The following CNKSR2 variants were observed in gnomAD, a reference collection of about 807,000 sequenced individuals.
CNKSR2 encodes the protein connector enhancer of kinase suppressor of Ras 2.
A neutral mutation model predicts 84.4 loss-of-function variants in CNKSR2; 14 were observed. The observed-to-expected ratio is 0.17, with a 90% confidence interval of 0.11 to 0.26. The LOEUF is 0.26. CNKSR2 is among the 10% of genes least tolerant of loss of function. The probability of loss-of-function intolerance (pLI) is 1.00; values close to 1 mark genes in which losing one functional copy is unlikely to be tolerated. For synonymous variants in CNKSR2, 275 were observed against 277.9 expected, an observed-to-expected ratio of 0.99 and a Z score of 0.10; for missense variants, 485 against 771.2, an observed-to-expected ratio of 0.63 and a Z score of 4.40.
intron 20 of CNKSR2, among the ~76,000 whole-genome samples, chrX:21,612,454 G>A (rs765334730): frequency 1.4e-4 from 16 of 112,279 alleles, no homozygotes; most frequent in Admixed American, 1.4e-3. Flanking sequence ...TTGACCTCCT[G>A]AAGTGAATTG....
chrX:21,451,438 G>A (rs1195890961), intron 4 of CNKSR2, among the ~76,000 whole-genome samples: 2 of 110,170 alleles, frequency 1.8e-5, no homozygotes, highest in East Asian at 5.8e-4. Context: ...GCAAAGACTT[G>A]GAGCCAACCC....
intron 20 of CNKSR2, chrX:21,641,710 G>A (rs2092692139): frequency 2.8e-6 from 3 of 1,074,213 alleles, no homozygotes; most frequent in East Asian, 3.4e-5. Context: ...AAATGGCCTC[G>A]TCCTTGCTGT....
intron 1 of CNKSR2, chrX:21,421,997 T>C (rs1172277504): frequency 1.8e-5 from 2 of 111,707 alleles, no homozygotes; most frequent in Non-Finnish European, 3.8e-5. Flanking sequence ...ATCCTCAAGT[T>C]TGATGTAGGC....
chrX:21,471,434 C>G (rs1458413870), intron 5 of CNKSR2, among the ~76,000 whole-genome samples: 1 of 111,976 alleles, frequency 8.9e-6, no homozygotes, highest in Non-Finnish European at 1.9e-5. Context: ...TTCTTCACCT[C>G]TGGTGTGTGT....
At chrX:21,591,665 A>C (rs1050628057) in intron 15 of CNKSR2, 2 of 109,992 alleles carry the variant, frequency 1.8e-5, no homozygotes, top group African/African-American at 3.3e-5. Context: ...GATCTAGTAG[A>C]CTAGTTTTGA....
Position 21,374,609 on chromosome X carries a change from A to AGCAGCAGCAGCAGCAGCAGCC in CNKSR2, c.-269_-268insCGCAGCAGCAGCAGCAGCAGC. 1 of 497,632 alleles carries AGCAGCAGCAGCAGCAGCAGCC rather than the reference A, an allele frequency of 2.0e-6. No individual in the cohort carries two copies. Among genetic ancestry groups the AGCAGCAGCAGCAGCAGCAGCC allele is most frequent in the East Asian group, 3.9e-5 (1 of 25,322 alleles). 41.0% of individuals were successfully genotyped at this position (497,632 alleles called of 1,213,427 possible). A position where few individuals can be genotyped will look rare whatever the true frequency, so the allele number is the denominator to read the frequency against. On this transcript the variant is annotated 5_prime_UTR_variant, in exon 1 of 22. Coordinates refer to ENST00000379510, the MANE Select transcript of CNKSR2 (RefSeq NM_014927.5). ...GAGCGGCGGAGGCAGCAGCAGCAGC[A>AGCAGCAGCAGCAGCAGCAGCC]GCAGCAGCAGCAGCAGCAGCAGCCG...
chrX:21,599,171 G>T (rs1162032695), intron 17 of CNKSR2, among the ~76,000 whole-genome samples: 1 of 112,145 alleles, frequency 8.9e-6, no homozygotes, highest in Admixed American at 9.4e-5. Context: ...ATTTATTTCC[G>T]TATCCCTAAA....
chrX:21,504,720 A>G (rs2091595108), intron 8 of CNKSR2: 1 of 292,496 alleles, frequency 3.4e-6, no homozygotes, highest in Non-Finnish European at 6.0e-6. Flanking sequence ...TTTTAAAAGT[A>G]TTTTCTTAAT....
At chrX:21,623,061 T>C (rs2092608632) in intron 20 of CNKSR2, among the ~76,000 whole-genome samples, 1 of 111,106 alleles carries the variant, frequency 9.0e-6, no homozygotes, top group Non-Finnish European at 1.9e-5. Context: ...TTTACAGATC[T>C]AGTAAGAGTA....
chrX:21,407,792 T>C (rs547659696), intron 1 of CNKSR2, among the ~76,000 whole-genome samples: 9 of 112,133 alleles, frequency 8.0e-5, no homozygotes, highest in African/African-American at 2.9e-4. Flanking sequence ...TCCTTTATCA[T>C]TATTGAATGA....
At chrX:21,539,903 A>G (rs1417986584) in intron 11 of CNKSR2, among the ~76,000 whole-genome samples, 1 of 112,318 alleles carries the variant, frequency 8.9e-6, no homozygotes, top group Non-Finnish European at 1.9e-5. Flanking sequence ...AGTAAATAAC[A>G]GTTTAATGTA....
chrX:21,635,412 A>G (rs1210105109), intron 20 of CNKSR2, among the ~76,000 whole-genome samples: 1 of 104,595 alleles, frequency 9.6e-6, no homozygotes, highest in East Asian at 2.9e-4. Context: ...GTGTGTGTAT[A>G]TATACACATA....
rs562116786 is a variant in CNKSR2 at position 21,595,315 on chromosome X, C to A, written c.1905-9C>A. 959 of 1,159,264 alleles carry A rather than the reference C, an allele frequency of 8.3e-4. 5 individuals carry two copies. The South Asian group carries it at 0.017, about 21-fold the overall frequency. ...ATTTGTAATAAATGTACTTTGTTTC[C>A]TTTTGCAGTGCATTCAAAGCCTGTC... On this transcript the variant is annotated splice_polypyrimidine_tract_variant and intron_variant, in intron 16 of 21. Coordinates refer to ENST00000379510, the MANE Select transcript of CNKSR2 (RefSeq NM_014927.5).
At chrX:21,399,888 C>T (rs1026354869) in intron 1 of CNKSR2, among the ~76,000 whole-genome samples, 1 of 111,280 alleles carries the variant, frequency 9.0e-6, no homozygotes, top group African/African-American at 3.3e-5. Context: ...TTGAGTTATT[C>T]AATTTTCTCA....
At chrX:21,467,687 T>C (rs912802887) in intron 4 of CNKSR2, among the ~76,000 whole-genome samples, 11 of 111,825 alleles carry the variant, frequency 9.8e-5, no homozygotes, top group African/African-American at 3.3e-4. Flanking sequence ...AAATAGTAAG[T>C]TCTTAATTTT....
intron 20 of CNKSR2, chrX:21,643,059 T>C: frequency 8.7e-6 from 1 of 114,516 alleles, no homozygotes; most frequent in South Asian, 3.7e-4. Context: ...ATTTGGTGTT[T>C]TTTTTTTCAT....
intron 11 of CNKSR2, chrX:21,538,368 CTG>C (rs1218949794): frequency 2.7e-5 from 3 of 111,327 alleles, no homozygotes; most frequent in South Asian, 3.7e-4. Flanking sequence ...AAATTTTTTT[CTG>C]TGTCTTTGAC....
intron 20 of CNKSR2, among the ~76,000 whole-genome samples, chrX:21,632,927 A>G (rs2092654138): frequency 1.8e-5 from 2 of 110,784 alleles, no homozygotes; most frequent in Admixed American, 9.7e-5. Flanking sequence ...ATTCTTGCAT[A>G]TGTAAATTTG....
At chrX:21,453,275 G>T (rs1302641767) in intron 4 of CNKSR2, among the ~76,000 whole-genome samples, 1 of 111,521 alleles carries the variant, frequency 9.0e-6, no homozygotes, top group African/African-American at 3.3e-5. Flanking sequence ...TATCCTTTTG[G>T]TTGATATTTA....
Sources: gnomAD v4.1 joint callset for allele counts (sites outside exome capture counted in the v4.1 genomes callset) on GRCh38, gnomAD v4.1.1 for gene constraint, MANE v1.5 for transcripts, NCBI Gene and HGNC (gene_info 2026-07-23, HGNC 2026-07-21) for gene names.